PDE7B: variants seen among roughly 807,000 people sequenced by gnomAD.
PDE7B encodes the protein 3',5'-cyclic-AMP phosphodiesterase 7B.
A neutral mutation model predicts 56.2 loss-of-function variants in PDE7B; 29 were observed. The observed-to-expected ratio is 0.52, with a 90% CI of 0.38 to 0.70. The LOEUF (loss-of-function observed/expected upper bound fraction) is 0.70, where lower values mean the gene tolerates loss of function less well. PDE7B is among the 30% of genes least tolerant of loss of function. PDE7B has a pLI of 0.00. For missense variants in PDE7B, 490 were observed against 565.0 expected (o/e 0.87, Z 1.35); for synonymous variants, 197 against 196.9 (o/e 1.00, Z 0.00).
intron 1 of PDE7B, among the ~76,000 whole-genome samples, chr6:135,921,828 C>G (rs1457994203): frequency 6.6e-6 from 1 of 152,042 alleles, no homozygotes; most frequent in Non-Finnish European, 1.5e-5. Context: ...CTACCCTGTT[C>G]TCCACATCCC....
intron 1 of PDE7B, among the ~76,000 whole-genome samples, chr6:135,935,146 TAA>T (rs1774390011): frequency 7.7e-5 from 7 of 90,818 alleles, no homozygotes; most frequent in African/African-American, 3.2e-4. Flanking sequence ...TATTTATATA[TAA>T]ATAAATATAT....
At chr6:136,002,233 C>T (rs976390124) in intron 2 of PDE7B, among the ~76,000 whole-genome samples, 2 of 152,116 alleles carry the variant, frequency 1.3e-5, no homozygotes, top group African/African-American at 4.8e-5. Context: ...CTGGTACCAG[C>T]CACTGCAAAA....
Position 135,987,270 on chromosome 6 carries a change from G to A in PDE7B, c.82+39746G>A, listed in dbSNP as rs542191872. 4.5e-4 allele frequency among the ~76,000 whole-genome samples: 68 copies of A among 152,182 alleles called. 1 individual carries two copies. The South Asian group carries it at 0.013, about 29-fold the overall frequency. ...CAGGCGAAAGCTGTTCAGAGTCACAGGGAATGTCTCTGGGTTGACAGCAAG... is the reference window on the plus strand; with the variant it reads ...CAGGCGAAAGCTGTTCAGAGTCACAAGGAATGTCTCTGGGTTGACAGCAAG... On this transcript the variant is annotated intron_variant, in intron 2 of 12. Transcript: ENST00000308191.
intron 2 of PDE7B, among the ~76,000 whole-genome samples, chr6:136,107,411 T>C (rs1777664068): frequency 6.6e-6 from 1 of 152,350 alleles, no homozygotes; most frequent in South Asian, 2.1e-4. Flanking sequence ...ATATAATAAC[T>C]GGTGAATTTG....
intron 2 of PDE7B, among the ~76,000 whole-genome samples, chr6:135,993,565 A>T (rs1163035667): frequency 6.6e-6 from 1 of 152,188 alleles, no homozygotes; most frequent in Non-Finnish European, 1.5e-5. Flanking sequence ...CCCTTAAACT[A>T]GGTAAAAAGA....
intron 2 of PDE7B, among the ~76,000 whole-genome samples, chr6:136,038,882 G>A (rs1776372037): frequency 1.3e-5 from 2 of 152,174 alleles, no homozygotes; most frequent in South Asian, 2.1e-4. Flanking sequence ...TTGTCAACAA[G>A]TTAGAGATAT....
chr6:136,033,524 A>C (rs1047958695), intron 2 of PDE7B, among the ~76,000 whole-genome samples: 1 of 152,130 alleles, frequency 6.6e-6, no homozygotes, highest in Admixed American at 6.5e-5. Context: ...TCCCACAGTT[A>C]ATATTCATTT....
intron 1 of PDE7B, among the ~76,000 whole-genome samples, chr6:135,884,061 A>T (rs1775658682): frequency 6.6e-6 from 1 of 152,348 alleles, no homozygotes; most frequent in Admixed American, 6.5e-5. Context: ...TCTGAAGCTT[A>T]GTATGTATAA....
chr6:135,990,928 C>T (rs1025826459), intron 2 of PDE7B, among the ~76,000 whole-genome samples: 12 of 152,204 alleles, frequency 7.9e-5, no homozygotes, highest in African/African-American at 2.7e-4. Context: ...TTATGGTTAT[C>T]TCTTAATTAT....
rs189535489 is a variant in PDE7B, at chr6:135,919,163, T to C, written c.22-28301T>C. On this transcript the variant is annotated intron_variant, in intron 1 of 12. Transcript: ENST00000308191. ...CTCAAAACAAAAGAACTCCTCTGGC[T>C]ATAATAGGCAGAGAGAACAAGCCAA... Among the ~76,000 whole-genome samples, 531 of 152,340 alleles carry C rather than the reference T, an allele frequency of 3.5e-3. 7 individuals carry two copies. Among genetic ancestry groups the C allele is most frequent in the African/African-American group, 0.011 (439 of 41,584 alleles).
chr6:135,864,927 G>A (rs866398910), intron 1 of PDE7B, among the ~76,000 whole-genome samples: 1 of 148,290 alleles, frequency 6.7e-6, no homozygotes, highest in Non-Finnish European at 1.5e-5. Flanking sequence ...ATCTCCCAAT[G>A]CTATCCCTCC....
intron 12 of PDE7B, among the ~76,000 whole-genome samples, chr6:136,189,876 C>G (rs891301621): frequency 3.3e-5 from 5 of 152,178 alleles, no homozygotes; most frequent in African/African-American, 1.2e-4. Flanking sequence ...AAAACTGCCT[C>G]TTGGTGTCTA....
chr6:136,109,615 T>C (rs1777710030), intron 3 of PDE7B, among the ~76,000 whole-genome samples: 1 of 152,166 alleles, frequency 6.6e-6, no homozygotes, highest in Non-Finnish European at 1.5e-5. Context: ...CTTGCTGCTT[T>C]CTCCCTTGAA....
At chr6:136,000,116 ATTTG>A (rs1240021933) in intron 2 of PDE7B, among the ~76,000 whole-genome samples, 1 of 152,070 alleles carries the variant, frequency 6.6e-6, no homozygotes. Flanking sequence ...TTTCTTGTAA[ATTTG>A]TTTAAGTTCC....
At chr6:136,055,514 T>A (rs991539233) in intron 2 of PDE7B, among the ~76,000 whole-genome samples, 38 of 152,222 alleles carry the variant, frequency 2.5e-4, no homozygotes, top group Admixed American at 4.6e-4. Flanking sequence ...CTGAATACAT[T>A]TTTCATTTTA....
intron 1 of PDE7B, among the ~76,000 whole-genome samples, chr6:135,929,942 A>C (rs1246583602): frequency 6.6e-6 from 1 of 152,196 alleles, no homozygotes. Flanking sequence ...GCAGTGTGTG[A>C]CTAGGGAGCA....
chr6:136,183,954 C>T (rs1481961160), intron 11 of PDE7B, among the ~76,000 whole-genome samples: 3 of 152,138 alleles, frequency 2.0e-5, no homozygotes, highest in Non-Finnish European at 2.9e-5. Context: ...ACTCCAAATA[C>T]CATATATCTC....
chr6:136,192,065 G>T lies in PDE7B; in HGVS notation c.*225G>T. On this transcript the variant is annotated 3_prime_UTR_variant, in exon 13 of 13. Coordinates refer to ENST00000308191, the MANE Select transcript of PDE7B (RefSeq NM_018945.4). ...CTGCCGAAATGAGCAACTCCATTCA[G>T]TAACGTGGGAGCTGATCCCACGGGC... 7.1e-6 allele frequency: 4 copies of T among 559,992 alleles called. No homozygotes were observed. The highest frequency in any genetic ancestry group is 9.7e-6 in the Non-Finnish European group (3 of 310,426). The allele number at this position is 559,992 out of a possible 1,614,324, so 34.7% of individuals were successfully genotyped here.
intron 1 of PDE7B, among the ~76,000 whole-genome samples, chr6:135,889,368 G>T (rs1775765923): frequency 1.3e-5 from 2 of 151,192 alleles, no homozygotes; most frequent in African/African-American, 2.4e-5. Context: ...GACCTCAAGT[G>T]ATCCGCCTGC....
Sources: allele counts gnomAD v4.1 joint callset (sites outside exome capture counted in the v4.1 genomes callset), GRCh38; gene constraint gnomAD v4.1.1; transcripts MANE v1.5; gene names NCBI Gene and HGNC (gene_info 2026-07-23, HGNC 2026-07-21).